The following DAAM2 variants were observed in gnomAD, a reference collection of about 807,000 sequenced individuals.
DAAM2 encodes disheveled-associated activator of morphogenesis 2.
DAAM2 carries 39 observed loss-of-function variants against 120.7 expected under a neutral mutation model. The observed-to-expected ratio is 0.32, with a 90% confidence interval of 0.25 to 0.42. DAAM2 has a LOEUF of 0.42. Among genes scored for constraint, DAAM2 ranks in the 10% least tolerant of loss-of-function variants. The pLI, the probability that DAAM2 is intolerant of heterozygous loss-of-function variation, is 1.00. For synonymous variants in DAAM2, 488 were observed against 524.9 expected, an observed-to-expected ratio of 0.93 and a Z score of 0.96; for missense variants, 1,283 against 1,401.7, an observed-to-expected ratio of 0.92 and a Z score of 1.35.
chr6:39,829,176 T>C (rs9471179), intron 1 of DAAM2, among the ~76,000 whole-genome samples: 45,126 of 152,122 alleles, frequency 0.3, 7,231 homozygotes, highest in African/African-American at 0.41. Context: ...GCATCTCTTC[T>C]TTGTATACTT....
intron 1 of DAAM2, among the ~76,000 whole-genome samples, chr6:39,806,197 C>T (rs193107098): frequency 3.6e-3 from 554 of 152,204 alleles, no homozygotes; most frequent in Non-Finnish European, 6.5e-3. Flanking sequence ...TAAACAAGTC[C>T]GTCTTGCTCA....
chr6:39,851,299 T>G (rs1403626752), intron 1 of DAAM2, among the ~76,000 whole-genome samples: 1 of 152,210 alleles, frequency 6.6e-6, no homozygotes, highest in Non-Finnish European at 1.5e-5. Context: ...CCTAGCTATG[T>G]CCCTAACTAG....
rs767664729 is a variant in DAAM2, at chr6:39,879,319, G to T, written c.1687G>T (p.Gly563Trp). 20 of 618,120 alleles carry T rather than the reference G, an allele frequency of 3.2e-5. No individual in the cohort carries two copies. Among genetic ancestry groups the T allele is most frequent in the Admixed American group, 1.1e-4 (2 of 18,374 alleles). 38.3% of individuals were successfully genotyped at this position (618,120 alleles called of 1,614,324 possible). A position where few individuals can be genotyped will look rare whatever the true frequency, so the allele number is the denominator to read the frequency against. The change falls in exon 14 of 25, where the codon GGG (glycine) becomes TGG (tryptophan). Residue 563 changes from glycine to tryptophan, a missense_variant. This residue lies in a region of DAAM2 where 748 missense variants were observed against 768.6 expected (regional missense o/e 0.97). Coordinates refer to ENST00000274867, the MANE Select transcript of DAAM2 (RefSeq NM_001201427.2). The part of the protein sequence containing the change: ...PPPPPPPLPP[G>W]GPPTPPGAPP... Reference sequence around the variant, plus strand: ...TCCCCCACCACCACCCCTTCCTCCCGGGGGACCCCCGACTCCCCCAGGTGC... The same window carrying T: ...TCCCCCACCACCACCCCTTCCTCCCTGGGGACCCCCGACTCCCCCAGGTGC...
intron 11 of DAAM2, among the ~76,000 whole-genome samples, chr6:39,876,333 A>G (rs1764866755): frequency 6.6e-6 from 1 of 152,198 alleles, no homozygotes; most frequent in African/African-American, 2.4e-5. Context: ...CCAAGTACAC[A>G]ATTATTTTCC....
rs1235246520 is a variant in DAAM2, at chr6:39,903,560, G to T, written c.*1523G>T. 4 of 152,540 alleles carry T rather than the reference G, an allele frequency of 2.6e-5. No individual in the cohort carries two copies. Among genetic ancestry groups the T allele is most frequent in the Non-Finnish European group, 5.9e-5 (4 of 68,360 alleles). The allele number at this position is 152,540 out of a possible 1,614,324, so 9.4% of individuals were successfully genotyped here. On this transcript the variant is annotated 3_prime_UTR_variant, in exon 25 of 25. Transcript: ENST00000274867. ...TGGCCTTTCATCTTCTTTGAGACTG[G>T]CCCTGCCTAACCTCTACCATCAATG...
In DAAM2 at chr6:39,891,727, G is replaced by C. The variant is rs560919653; in HGVS notation, c.2341+5G>C. 6 of 1,596,148 alleles carry C rather than the reference G, an allele frequency of 3.8e-6. No individual in the cohort carries two copies. In the African/African-American group the frequency reaches 5.4e-5, roughly 14 times the overall value. The stretch of plus-strand genomic sequence containing the variant: ...AGGCAAAGCCCAAAGTGGAAGGTAG[G>C]GCTGAGGGTTGCAGGAGGCTTAGAG... On this transcript the variant is annotated splice_donor_5th_base_variant and intron_variant, in intron 19 of 24. Transcript: ENST00000274867.
At chr6:39,813,551 G>A (rs1397019020) in intron 1 of DAAM2, among the ~76,000 whole-genome samples, 1 of 152,012 alleles carries the variant, frequency 6.6e-6, no homozygotes, top group African/African-American at 2.4e-5. Context: ...AGGAGGATAT[G>A]AAGTTGCTTT....
intron 3 of DAAM2, 22 bp downstream of exon 3, chr6:39,861,039 G>A (rs34432477): frequency 0.039 from 62,362 of 1,585,406 alleles, 1,654 homozygotes; most frequent in Middle Eastern, 0.11. Flanking sequence ...GACCCCTCTG[G>A]CCACATCTCA....
At chr6:39,887,867 G>C in intron 16 of DAAM2, 2 of 423,890 alleles carry the variant, frequency 4.7e-6, no homozygotes, top group Non-Finnish European at 4.4e-6. Context: ...TCAGGCCATG[G>C]AGCAGCATGA....
chr6:39,813,299 G>A (rs1400216792), intron 1 of DAAM2, among the ~76,000 whole-genome samples: 2 of 152,170 alleles, frequency 1.3e-5, no homozygotes, highest in Non-Finnish European at 1.5e-5. Context: ...GTGAATCATA[G>A]GCGATGAGTC....
chr6:39,886,063 C>A (rs1291704371), intron 15 of DAAM2: 7 of 225,536 alleles, frequency 3.1e-5, no homozygotes, highest in Non-Finnish European at 6.0e-5. Flanking sequence ...GGAATGTCCT[C>A]CACCCTCTCT....
In DAAM2 at chr6:39,802,507, G is replaced by T. The variant is rs372048111; in HGVS notation, c.-57+10042G>T. ...TGGCACATAGTAAGCACTAAGAAAT[G>T]TTAGTGAGGATGAAGATGATGATGG... On this transcript the variant is annotated intron_variant, in intron 1 of 24. Coordinates refer to ENST00000274867, the MANE Select transcript of DAAM2 (RefSeq NM_001201427.2). Among the ~76,000 whole-genome samples the T allele has an allele frequency of 2.9e-3, 447 of 152,332 alleles. 3 individuals are homozygous for T. Among genetic ancestry groups the T allele is most frequent in the South Asian group, 0.024 (117 of 4,816 alleles).
chr6:39,849,161 A>G (rs1582670435), intron 1 of DAAM2, among the ~76,000 whole-genome samples: 1 of 152,198 alleles, frequency 6.6e-6, no homozygotes, highest in East Asian at 1.9e-4. Flanking sequence ...ATAATGGGCC[A>G]GATAGTAAGT....
chr6:39,819,942 C>T (rs762413527), intron 1 of DAAM2: 2 of 152,290 alleles, frequency 1.3e-5, no homozygotes, highest in Non-Finnish European at 2.9e-5. Flanking sequence ...CTGCCTCAAC[C>T]TATGAATTTT....
chr6:39,823,815 G>A (rs539991686), intron 1 of DAAM2, among the ~76,000 whole-genome samples: 1 of 152,280 alleles, frequency 6.6e-6, no homozygotes, highest in South Asian at 2.1e-4. Context: ...TGGATCGGAT[G>A]TCCTGCCAGT....
At chr6:39,818,471 C>T (rs748997213) in intron 1 of DAAM2, among the ~76,000 whole-genome samples, 10 of 152,132 alleles carry the variant, frequency 6.6e-5, no homozygotes, top group Non-Finnish European at 1.3e-4. Flanking sequence ...GGTATTTTGA[C>T]GTTAATGCAT....
intron 1 of DAAM2, among the ~76,000 whole-genome samples, chr6:39,844,333 G>T (rs190151061): frequency 6.5e-4 from 99 of 152,008 alleles, no homozygotes; most frequent in African/African-American, 1.6e-3. Context: ...ATGCCCCATT[G>T]TAATATACAC....
Position 39,868,938 on chromosome 6 carries a change from G to A in DAAM2, c.873+5G>A, listed in dbSNP as rs1302228547. ...CTCAATGCTGGAGCTGGAGAGGTGG[G>A]GTGCCTTCTCCTTGCCCTTGCTGTT... On this transcript the variant is annotated splice_donor_5th_base_variant and intron_variant, in intron 7 of 24. Transcript: ENST00000274867. The A allele has an allele frequency of 1.3e-6, 2 of 1,556,990 alleles. No homozygotes were observed. Among genetic ancestry groups the A allele is most frequent in the Non-Finnish European group, 1.7e-6 (2 of 1,146,480 alleles).
intron 1 of DAAM2, among the ~76,000 whole-genome samples, chr6:39,834,419 A>G (rs1458239969): frequency 6.6e-6 from 1 of 152,114 alleles, no homozygotes; most frequent in East Asian, 1.9e-4. Flanking sequence ...CTGCTTCCCT[A>G]GTGAAAGAGG....
Sources: gnomAD v4.1 joint callset for allele counts (sites outside exome capture counted in the v4.1 genomes callset) on GRCh38, gnomAD v4.1.1 for gene constraint, gnomAD v4.1.1 regional missense constraint, MANE v1.5 for transcripts, NCBI Gene and HGNC (gene_info 2026-07-23, HGNC 2026-07-21) for gene names.